The following MAP3K4 variants were observed in gnomAD, a reference collection of about 807,000 sequenced individuals.
MAP3K4 encodes mitogen-activated protein kinase kinase kinase 4.
MAP3K4 carries 67 observed loss-of-function variants against 185.6 expected under a neutral mutation model. The observed-to-expected ratio is 0.36, with a 90% confidence interval of 0.30 to 0.44. MAP3K4 has a LOEUF of 0.44. Among genes scored for constraint, MAP3K4 ranks in the 20% least tolerant of loss-of-function variants. The pLI is 1.00. For synonymous variants in MAP3K4, 702 were observed against 710.4 expected (o/e 0.99, Z 0.19); for missense variants, 1,551 against 1,995.1 (o/e 0.78, Z 4.24).
Position 161,073,473 on chromosome 6 carries a change from G to A in MAP3K4, c.1958G>A (p.Arg653Lys), listed in dbSNP as rs753262167. 1 of 1,600,308 alleles carries A rather than the reference G, an allele frequency of 6.2e-7. No individual in the cohort carries two copies. Among genetic ancestry groups the A allele is most frequent in the Non-Finnish European group, 8.5e-7 (1 of 1,173,386 alleles). Reference sequence around the variant, plus strand: ...GTGTGTGTTGTTTTGCAGCTGGTGAGAGAGTGTAAGGAGGTCCTGAAGGGC... The same window carrying A: ...GTGTGTGTTGTTTTGCAGCTGGTGAAAGAGTGTAAGGAGGTCCTGAAGGGC... ...PSLLSIKQLV[R>K]ECKEVLKGGL... The change falls in exon 5 of 27, where the codon AGA becomes AAA. Residue 653 changes from arginine to lysine, a missense_variant. Arg to Lys is a conservative substitution (Grantham distance 26). Around this residue, in one of 16 missense-constraint regions of MAP3K4, gnomAD observed 27 missense variants for 64.4 expected, o/e 0.42. Transcript: ENST00000392142. This position sits in a 1 kb window ranked among gnomAD's most constrained non-coding sequence, Gnocchi z 4.2.
rs546399788 is a variant in MAP3K4, at chr6:161,082,524, C to G, written c.2255+1486C>G. ...GCCCTGAGAAGCTCCAGGGCTTTTT[C>G]ATTCCCCCTTCTTGTGAACAGTCCA... On this transcript the variant is annotated intron_variant, in intron 6 of 26. Transcript: ENST00000392142. The surrounding 1 kb of genome is among the most constrained non-coding windows in gnomAD (Gnocchi z 4.2). Among the ~76,000 whole-genome samples the G allele has an allele frequency of 1.1e-4, 16 of 152,146 alleles. No individual in the cohort carries two copies. Among genetic ancestry groups the G allele is most frequent in the African/African-American group, 3.9e-4 (16 of 41,522 alleles).
chr6:161,116,945 A>G lies in MAP3K4; in HGVS notation c.*75A>G. On this transcript the variant is annotated 3_prime_UTR_variant, in exon 27 of 27. Transcript: ENST00000392142. The surrounding 1 kb of genome is among the most constrained non-coding windows in gnomAD (Gnocchi z 6.2). ...TAATATTTACATAAAGACTGTGCTGAGAAGCAGTATAAGCCTTTTTAACCT... is the reference window on the plus strand; with the variant it reads ...TAATATTTACATAAAGACTGTGCTGGGAAGCAGTATAAGCCTTTTTAACCT... 2 of 1,408,534 alleles carry G rather than the reference A, an allele frequency of 1.4e-6. No individual in the cohort carries two copies. The highest frequency in any genetic ancestry group is 2.0e-6 in the Non-Finnish European group (2 of 994,576). The allele number at this position is 1,408,534 out of a possible 1,614,324, so 87.3% of individuals were successfully genotyped here.
In MAP3K4 at chr6:160,996,755, C is replaced by T. The variant is rs1215135115; in HGVS notation, c.152+4672C>T. 6.6e-6 allele frequency among the ~76,000 whole-genome samples: 1 copy of T among 152,230 alleles called. No individual in the cohort carries two copies. Among genetic ancestry groups the T allele is most frequent in the African/African-American group, 2.4e-5 (1 of 41,452 alleles). The stretch of plus-strand genomic sequence containing the variant: ...CTCACTGTGCTTGGCTTCTCAGGCA[C>T]AGATACTCAGCTTTGTCTGTACACC... On this transcript the variant is annotated intron_variant, in intron 1 of 26. Transcript: ENST00000392142. The surrounding 1 kb of genome is among the most constrained non-coding windows in gnomAD (Gnocchi z 4.5).
In MAP3K4 at chr6:161,074,705, A is replaced by G. The variant is rs1171498708; in HGVS notation, c.2097+1093A>G. Among the ~76,000 whole-genome samples the G allele has an allele frequency of 6.6e-6, 1 of 152,238 alleles. No homozygotes were observed. Among genetic ancestry groups the G allele is most frequent in the Non-Finnish European group, 1.5e-5 (1 of 68,050 alleles). On this transcript the variant is annotated intron_variant, in intron 5 of 26. Transcript: ENST00000392142. This position sits in a 1 kb window ranked among gnomAD's most constrained non-coding sequence, Gnocchi z 5.0. ...TATGCATAGATGATTACGTAATGTGACAGGTTAATGAAATAATAAAACTGT... is the reference window on the plus strand; with the variant it reads ...TATGCATAGATGATTACGTAATGTGGCAGGTTAATGAAATAATAAAACTGT...
At chr6:161,072,365 G>T (rs1784987168) in intron 4 of MAP3K4, among the ~76,000 whole-genome samples, 1 of 152,130 alleles carries the variant, frequency 6.6e-6, no homozygotes, top group South Asian at 2.1e-4. Context: ...TGACATTTTG[G>T]TGTATTTCTA....
At position 161,114,784 on chromosome 6, in the gene MAP3K4, C is replaced by CATG. The variant is rs1484403404; in HGVS notation, c.4627-332_4627-330dup. On this transcript the variant is annotated intron_variant, in intron 25 of 26. Transcript: ENST00000392142. This position sits in a 1 kb window ranked among gnomAD's most constrained non-coding sequence, Gnocchi z 4.3. ...TGTCATTTTATATATTTTTTAGTTG[C>CATG]ATGATGATGGCTTCTAGATACTGTT... Among the ~76,000 whole-genome samples the CATG allele has an allele frequency of 6.6e-6, 1 of 152,072 alleles. No individual in the cohort carries two copies. The highest frequency in any genetic ancestry group is 1.5e-5 in the Non-Finnish European group (1 of 68,022).
chr6:161,108,617 G>T lies in MAP3K4; in HGVS notation c.4120-126G>T. On this transcript the variant is annotated intron_variant, in intron 21 of 26. Transcript: ENST00000392142. This position sits in a 1 kb window ranked among gnomAD's most constrained non-coding sequence, Gnocchi z 5.7. ...AAACTTCCTTTTTACTTAATTTTTT[G>T]TTGTTTTTAATTGACAAATCATGAT... The T allele has an allele frequency of 1.5e-6, 1 of 666,142 alleles. No individual in the cohort carries two copies. The highest frequency in any genetic ancestry group is 2.7e-6 in the Non-Finnish European group (1 of 376,944). 41.3% of individuals were successfully genotyped at this position (666,142 alleles called of 1,614,324 possible). A position where few individuals can be genotyped will look rare whatever the true frequency, so the allele number is the denominator to read the frequency against.
At chr6:161,069,725 C>T (rs1329283798) in intron 3 of MAP3K4, among the ~76,000 whole-genome samples, 1 of 152,098 alleles carries the variant, frequency 6.6e-6, no homozygotes, top group African/African-American at 2.4e-5. Flanking sequence ...TCAGGAAGTT[C>T]TGTCCCCAAG....
chr6:161,002,059 T>A (rs1216256238), intron 1 of MAP3K4, among the ~76,000 whole-genome samples: 1 of 151,194 alleles, frequency 6.6e-6, no homozygotes, highest in Non-Finnish European at 1.5e-5. Context: ...GGTTTTTTTT[T>A]TTTTTTTTTT....
At position 161,034,530 on chromosome 6, in the gene MAP3K4, T is replaced by G. The variant is rs1306020511; in HGVS notation, c.343+81T>G. Reference sequence around the variant, plus strand: ...TCTTTCAACAATAAAGTTAGCAATTTCTTTTATTTTTAATTTGATTTTAAT... The same window carrying G: ...TCTTTCAACAATAAAGTTAGCAATTGCTTTTATTTTTAATTTGATTTTAAT... On this transcript the variant is annotated intron_variant, in intron 2 of 26. Transcript: ENST00000392142. The surrounding 1 kb of genome is among the most constrained non-coding windows in gnomAD (Gnocchi z 4.4). 2.5e-6 allele frequency: 3 copies of G among 1,192,400 alleles called. No individual in the cohort carries two copies. 73.9% of individuals were successfully genotyped at this position (1,192,400 alleles called of 1,614,324 possible). A position where few individuals can be genotyped will look rare whatever the true frequency, so the allele number is the denominator to read the frequency against.
Position 161,087,201 on chromosome 6 carries a change from G to A in MAP3K4, c.2557-487G>A, listed in dbSNP as rs978194053. 2.0e-5 allele frequency among the ~76,000 whole-genome samples: 3 copies of A among 152,162 alleles called. No homozygotes were observed. Among genetic ancestry groups the A allele is most frequent in the African/African-American group, 7.2e-5 (3 of 41,432 alleles). On this transcript the variant is annotated intron_variant, in intron 9 of 26. Coordinates refer to ENST00000392142, the MANE Select transcript of MAP3K4 (RefSeq NM_005922.4). The surrounding 1 kb of genome is among the most constrained non-coding windows in gnomAD (Gnocchi z 4.9). ...CCGCTCCCATACTGAGAGTGGGAGG[G>A]ATGACCTGCAGCGTGCCACCACATG...
At position 161,080,429 on chromosome 6, in the gene MAP3K4, G is replaced by A. The variant is rs1253061832; in HGVS notation, c.2098-452G>A. ...TGAAAACATTTTATCACGCAAATCC[G>A]GATGTTAGGAAGGGGTGGTGCGAAG... On this transcript the variant is annotated intron_variant, in intron 5 of 26. Coordinates refer to ENST00000392142, the MANE Select transcript of MAP3K4 (RefSeq NM_005922.4). The surrounding 1 kb of genome is among the most constrained non-coding windows in gnomAD (Gnocchi z 4.8). Among the ~76,000 whole-genome samples, 2 of 152,088 alleles carry A rather than the reference G, an allele frequency of 1.3e-5. No individual in the cohort carries two copies. The highest frequency in any genetic ancestry group is 2.4e-5 in the African/African-American group (1 of 41,418).
rs1778297827 is a variant in MAP3K4 at position 161,110,446 on chromosome 6, G to A, written c.4396+532G>A. Among the ~76,000 whole-genome samples the A allele has an allele frequency of 6.6e-6, 1 of 152,206 alleles. No homozygotes were observed. The highest frequency in any genetic ancestry group is 1.5e-5 in the Non-Finnish European group (1 of 68,036). On this transcript the variant is annotated intron_variant, in intron 23 of 26. Transcript: ENST00000392142. This position sits in a 1 kb window ranked among gnomAD's most constrained non-coding sequence, Gnocchi z 4.8. ...AAGTGCTCTTCTCATAGCACGAGGGGAATAGCTGGGCTTCTGTCTCAGAAC... is the reference window on the plus strand; with the variant it reads ...AAGTGCTCTTCTCATAGCACGAGGGAAATAGCTGGGCTTCTGTCTCAGAAC...
At position 161,054,954 on chromosome 6, in the gene MAP3K4, ATCT is replaced by A. The variant is rs1485987155; in HGVS notation, c.1707+4985_1707+4987del. The stretch of plus-strand genomic sequence containing the variant: ...AGATCTTTTTTATATTTTCTCATTT[ATCT>A]TCTTCTTCTCTTATTCCATTGCTGT... On this transcript the variant is annotated intron_variant, in intron 3 of 26. Transcript: ENST00000392142. The surrounding 1 kb of genome is among the most constrained non-coding windows in gnomAD (Gnocchi z 4.2). Among the ~76,000 whole-genome samples the A allele has an allele frequency of 6.6e-6, 1 of 152,146 alleles. No individual in the cohort carries two copies.
intron 3 of MAP3K4, among the ~76,000 whole-genome samples, chr6:161,052,044 C>T (rs1032431747): frequency 1.6e-4 from 25 of 152,000 alleles, no homozygotes; most frequent in South Asian, 2.1e-4. Flanking sequence ...TTCAGAGGGC[C>T]GACTGTATAA....
In MAP3K4 at chr6:161,092,028, C is replaced by A; in HGVS notation, c.3154C>A (p.Arg1052Ser). ...CTTACAGTATCATAAAGAAGTTGTTCGTTTGATGTCTGGGGAGTTTAGACA... is the reference window on the plus strand; with the variant it reads ...CTTACAGTATCATAAAGAAGTTGTTAGTTTGATGTCTGGGGAGTTTAGACA... ...FGFEYHKEVV[R>S]LMSGEFRQKI... Residue 1052 changes from arginine (R) to serine (S), a missense_variant, in exon 13 of 27, where the codon CGT becomes AGT. This residue lies in a region of MAP3K4 where 261 missense variants were observed against 306.5 expected (regional missense o/e 0.85). Coordinates refer to ENST00000392142, the MANE Select transcript of MAP3K4 (RefSeq NM_005922.4). 2 of 1,611,972 alleles carry A rather than the reference C, an allele frequency of 1.2e-6. No homozygotes were observed. Among genetic ancestry groups the A allele is most frequent in the Non-Finnish European group, 8.5e-7 (1 of 1,178,332 alleles).
intron 3 of MAP3K4, among the ~76,000 whole-genome samples, chr6:161,065,904 C>T (rs1784686662): frequency 7.5e-6 from 1 of 133,452 alleles, no homozygotes; most frequent in African/African-American, 2.8e-5. Flanking sequence ...CGCCACTGCA[C>T]TCCAGCCTGG....
At position 161,054,552 on chromosome 6, in the gene MAP3K4, C is replaced by T. The variant is rs938763479; in HGVS notation, c.1707+4573C>T. Among the ~76,000 whole-genome samples, 5 of 152,172 alleles carry T rather than the reference C, an allele frequency of 3.3e-5. No individual in the cohort carries two copies. Among genetic ancestry groups the T allele is most frequent in the African/African-American group, 1.2e-4 (5 of 41,440 alleles). Reference sequence around the variant, plus strand: ...AAAAAATCTGTTTGCAGTTTGTTTTCATAATATGAATGCCATAAATGCCTT... The same window carrying T: ...AAAAAATCTGTTTGCAGTTTGTTTTTATAATATGAATGCCATAAATGCCTT... On this transcript the variant is annotated intron_variant, in intron 3 of 26. Coordinates refer to ENST00000392142, the MANE Select transcript of MAP3K4 (RefSeq NM_005922.4). The surrounding 1 kb of genome is among the most constrained non-coding windows in gnomAD (Gnocchi z 4.2).
chr6:161,110,145 T>G lies in MAP3K4; in HGVS notation c.4396+231T>G, dbSNP rs1778280409. On this transcript the variant is annotated intron_variant, in intron 23 of 26. Coordinates refer to ENST00000392142, the MANE Select transcript of MAP3K4 (RefSeq NM_005922.4). The surrounding 1 kb of genome is among the most constrained non-coding windows in gnomAD (Gnocchi z 4.8). Reference sequence around the variant, plus strand: ...CAACACTGCTTTTAGAGAAATCTGTTTTCCCAAAATGAAGTTTGCTATTTT... The same window carrying G: ...CAACACTGCTTTTAGAGAAATCTGTGTTCCCAAAATGAAGTTTGCTATTTT... Among the ~76,000 whole-genome samples the G allele has an allele frequency of 6.6e-6, 1 of 152,216 alleles. No homozygotes were observed. The highest frequency in any genetic ancestry group is 2.4e-5 in the African/African-American group (1 of 41,456).
Sources: gnomAD v4.1 joint callset for allele counts (sites outside exome capture counted in the v4.1 genomes callset) on GRCh38, gnomAD v4.1.1 for gene constraint, gnomAD v4.1.1 regional missense constraint, Gnocchi (gnomAD v3.1) non-coding constraint, MANE v1.5 for transcripts, NCBI Gene and HGNC (gene_info 2026-07-23, HGNC 2026-07-21) for gene names.